DNAI7: variants seen among roughly 807,000 people sequenced by gnomAD.
DNAI7 encodes dynein axonemal intermediate chain 7.
In DNAI7, 78 loss-of-function variants were observed where a neutral mutation model predicts 86.6. The observed-to-expected ratio is 0.90, with a 90% CI of 0.75 to 1.09. The LOEUF (loss-of-function observed/expected upper bound fraction) is 1.09. DNAI7 is among the 50% of genes least tolerant of loss of function. The pLI, the probability that DNAI7 is intolerant of heterozygous loss-of-function variation, is 0.00. For synonymous variants in DNAI7, 274 were observed against 273.0 expected (o/e 1.00, Z -0.04); for missense variants, 753 against 810.2 (o/e 0.93, Z 0.86).
chr12:25,146,197 G>A (rs912192393), intron 8 of DNAI7, among the ~76,000 whole-genome samples: 1 of 151,110 alleles, frequency 6.6e-6, no homozygotes, highest in Non-Finnish European at 1.5e-5. Context: ...ACTCCAGCCT[G>A]GGCAACAAGA....
At chr12:25,179,074 T>A (rs1949255233) in intron 2 of DNAI7, among the ~76,000 whole-genome samples, 1 of 152,156 alleles carries the variant, frequency 6.6e-6, no homozygotes, top group Admixed American at 6.5e-5. Context: ...TTCCACAAAT[T>A]TTTAAGTATT....
At chr12:25,126,316 C>A (rs1942128049) in intron 9 of DNAI7, among the ~76,000 whole-genome samples, 1 of 152,046 alleles carries the variant, frequency 6.6e-6, no homozygotes, top group Non-Finnish European at 1.5e-5. Flanking sequence ...TAAAGGAGAG[C>A]TCATAAAAGG....
chr12:25,180,519 C>T (rs1949399456), intron 2 of DNAI7, among the ~76,000 whole-genome samples: 2 of 152,282 alleles, frequency 1.3e-5, no homozygotes, highest in South Asian at 2.1e-4. Context: ...GGAGCCATCA[C>T]GTTACCAAAC....
At chr12:25,165,365 G>A (rs1021487508) in intron 2 of DNAI7, among the ~76,000 whole-genome samples, 3 of 152,138 alleles carry the variant, frequency 2.0e-5, no homozygotes, top group African/African-American at 4.8e-5. Flanking sequence ...AACTCCAAAC[G>A]CCTGAACTGC....
At chr12:25,183,335 T>C (rs994103786) in intron 2 of DNAI7, among the ~76,000 whole-genome samples, 1 of 151,852 alleles carries the variant, frequency 6.6e-6, no homozygotes, top group Admixed American at 6.6e-5. Flanking sequence ...CATCATCCAA[T>C]ATCCCCATGT....
chr12:25,113,424 C>T (rs1274875102), intron 13 of DNAI7, among the ~76,000 whole-genome samples: 2 of 152,072 alleles, frequency 1.3e-5, no homozygotes, highest in Non-Finnish European at 2.9e-5. Context: ...GCCTCGGCCT[C>T]CTGAGTAGCT....
At chr12:25,146,012 C>T (rs535412335) in intron 8 of DNAI7, among the ~76,000 whole-genome samples, 19 of 151,516 alleles carry the variant, frequency 1.3e-4, no homozygotes, top group African/African-American at 3.9e-4. Context: ...CACCTGAGGT[C>T]GGGAGTTTGA....
Position 25,147,095 on chromosome 12 carries a change from T to C in DNAI7, c.595A>G (p.Thr199Ala). The change falls in exon 8 of 16, where the codon ACT (threonine) becomes GCT (alanine). Residue 199 changes from threonine (T) to alanine (A), a missense_variant. Transcript: ENST00000395987. ...TTTCCACTGTCCAGATCTGCCAAAG[T>C]ACTAGCTTGCTGTAAGAGAAAAAGA... ...ATEILLKQAS[T>A]LADLDSGNME... is the part of the protein sequence containing the mutation. 1 of 1,571,474 alleles carries C rather than the reference T, an allele frequency of 6.4e-7. No individual in the cohort carries two copies. The highest frequency in any genetic ancestry group is 8.8e-7 in the Non-Finnish European group (1 of 1,142,202).
chr12:25,145,454 A>C (rs1720591220), intron 8 of DNAI7, among the ~76,000 whole-genome samples: 1 of 152,192 alleles, frequency 6.6e-6, no homozygotes, highest in Non-Finnish European at 1.5e-5. Context: ...CTGGGTAGTG[A>C]GTACAGAGCT....
In DNAI7 at chr12:25,155,292, A is replaced by C. The variant is rs1312371639; in HGVS notation, c.300+19T>G. The C allele has an allele frequency of 1.4e-6, 2 of 1,410,622 alleles. No homozygotes were observed. The highest frequency in any genetic ancestry group is 2.8e-5 in the African/African-American group (2 of 70,242). 87.4% of individuals were successfully genotyped at this position (1,410,622 alleles called of 1,614,324 possible). ...TGTGGTGACAAAGGTATTAGCTAAA[A>C]AAGAGAAATCAGTCCTACCTGAGAA... On this transcript the variant is annotated intron_variant, in intron 5 of 15. Transcript: ENST00000395987.
intron 13 of DNAI7, among the ~76,000 whole-genome samples, chr12:25,112,962 A>G (rs964660747): frequency 1.3e-5 from 2 of 152,206 alleles, no homozygotes; most frequent in African/African-American, 4.8e-5. Flanking sequence ...CACACTGAAC[A>G]GTCTTGGGTG....
In DNAI7 at chr12:25,121,757, A is replaced by G. The variant is rs12823207; in HGVS notation, c.1235T>C (p.Val412Ala). Reference sequence around the variant, plus strand: ...TTGATTCAAGAATCAACCTACTTCCACAATCATCCATCCCTTCACTGGTTT... The same window carrying G: ...TTGATTCAAGAATCAACCTACTTCCGCAATCATCCATCCCTTCACTGGTTT... ...QCKPVKGWMIVEILKEGLQKY... is the reference protein window; with the variant it reads ...QCKPVKGWMIAEILKEGLQKY... The change falls in exon 11 of 16, where the codon GTG (valine) becomes GCG (alanine). Residue 412 changes from valine (V) to alanine (A), a missense_variant. Transcript: ENST00000395987. 15 of 1,594,838 alleles carry G rather than the reference A, an allele frequency of 9.4e-6. No homozygotes were observed. Among genetic ancestry groups the G allele is most frequent in the Non-Finnish European group, 1.1e-5 (13 of 1,175,230 alleles).
chr12:25,133,666 T>G (rs779401702), intron 9 of DNAI7, among the ~76,000 whole-genome samples: 1 of 152,198 alleles, frequency 6.6e-6, no homozygotes, highest in East Asian at 1.9e-4. Flanking sequence ...TTCAGAATGT[T>G]GTGGGGTTTT....
intron 9 of DNAI7, among the ~76,000 whole-genome samples, chr12:25,133,501 G>C (rs1273315976): frequency 6.6e-6 from 1 of 152,078 alleles, no homozygotes; most frequent in East Asian, 1.9e-4. Flanking sequence ...TTTTGTGTTG[G>C]GGGATTCTTC....
At chr12:25,172,754 C>T (rs1003845280) in intron 2 of DNAI7, among the ~76,000 whole-genome samples, 3 of 152,040 alleles carry the variant, frequency 2.0e-5, no homozygotes, top group African/African-American at 7.2e-5. Flanking sequence ...TAAAAATAGG[C>T]TCATAGATCA....
At chr12:25,108,127 A>G (rs1161487558), downstream of DNAI7, 1 of 1,543,898 alleles carries the variant, frequency 6.5e-7, no homozygotes, top group Non-Finnish European at 8.8e-7. Context: ...GTAAATTAGT[A>G]ACTTTTAGCT....
intron 6 of DNAI7, among the ~76,000 whole-genome samples, chr12:25,153,909 T>C (rs1470767557): frequency 6.6e-6 from 1 of 152,218 alleles, no homozygotes; most frequent in Admixed American, 6.5e-5. Context: ...AATATTCTGA[T>C]TTGTCTTTGT....
chr12:25,150,880 T>C (rs932144589), intron 6 of DNAI7, among the ~76,000 whole-genome samples: 15 of 152,178 alleles, frequency 9.9e-5, no homozygotes, highest in Admixed American at 3.3e-4. Flanking sequence ...AGAGAACTAC[T>C]AATATTTTTA....
chr12:25,141,116 A>G (rs1368328996), intron 9 of DNAI7, among the ~76,000 whole-genome samples: 3 of 152,224 alleles, frequency 2.0e-5, no homozygotes, highest in Non-Finnish European at 2.9e-5. Context: ...ATTATAGAAA[A>G]TAACATTGGA....
Sources: gnomAD v4.1 joint callset for allele counts (sites outside exome capture counted in the v4.1 genomes callset) on GRCh38, gnomAD v4.1.1 for gene constraint, MANE v1.5 for transcripts, NCBI Gene and HGNC (gene_info 2026-07-23, HGNC 2026-07-21) for gene names.